Variants in PYGB observed in about 807,000 individuals in gnomAD.
PYGB encodes glycogen phosphorylase, brain form.
PYGB carries 82 observed loss-of-function variants against 94.3 expected under a neutral mutation model. That is an observed-to-expected ratio of 0.87 (90% CI 0.73 to 1.04). The LOEUF (loss-of-function observed/expected upper bound fraction) is 1.04. PYGB is among the 50% of genes least tolerant of loss of function. The pLI, the probability that PYGB is intolerant of heterozygous loss-of-function variation, is 0.00. For missense variants in PYGB, 1,132 were observed against 1,158.2 expected (o/e 0.98, Z 0.33); for synonymous variants, 488 against 479.1 (o/e 1.02, Z -0.24).
At chr20:25,275,727 C>T (rs966815727) in intron 5 of PYGB, among the ~76,000 whole-genome samples, 2 of 152,202 alleles carry the variant, frequency 1.3e-5, no homozygotes, top group Admixed American at 1.3e-4. Context: ...TCCAGGCAGG[C>T]TGTGAAGATG....
At chr20:25,252,606 G>A (rs183529846) in intron 1 of PYGB, among the ~76,000 whole-genome samples, 54 of 152,282 alleles carry the variant, frequency 3.5e-4, no homozygotes, top group Non-Finnish European at 5.9e-4. Context: ...CTTCACTTGC[G>A]TTTACCAATT....
At chr20:25,263,190 T>C (rs529352648) in intron 2 of PYGB, among the ~76,000 whole-genome samples, 1 of 152,262 alleles carries the variant, frequency 6.6e-6, no homozygotes, top group South Asian at 2.1e-4. Flanking sequence ...ATCGCACTTA[T>C]TCCAAAATTG....
chr20:25,276,682 G>A lies in PYGB; in HGVS notation c.697G>A (p.Gly233Ser), dbSNP rs200262215. Reference sequence around the variant, plus strand: ...CATGCCCTACGACACCCCAGTGCCCGGCTACAAGAACAACACCGTCAACAC... The same window carrying A: ...CATGCCCTACGACACCCCAGTGCCCAGCTACAAGAACAACACCGTCAACAC... Reference protein sequence around the residue: ...LAMPYDTPVPGYKNNTVNTMR... With the variant: ...LAMPYDTPVPSYKNNTVNTMR... Residue 233 changes from glycine to serine, a missense_variant, in exon 6 of 20, where the codon GGC (glycine) becomes AGC (serine). Coordinates refer to ENST00000216962, the MANE Select transcript of PYGB (RefSeq NM_002862.4). 1.3e-4 allele frequency: 211 copies of A among 1,613,914 alleles called. 1 individual carries two copies. Among genetic ancestry groups the A allele is most frequent in the South Asian group, 8.8e-5 (8 of 91,086 alleles).
chr20:25,297,171 G>C lies in PYGB; in HGVS notation c.*649G>C, dbSNP rs1220276762. On this transcript the variant is annotated 3_prime_UTR_variant, in exon 20 of 20. Coordinates refer to ENST00000216962, the MANE Select transcript of PYGB (RefSeq NM_002862.4). ...TCCAATGGGCATTGTGTGGGTGCTTGGAACCCGGGATGACTGAGGGGGACA... is the reference window on the plus strand; with the variant it reads ...TCCAATGGGCATTGTGTGGGTGCTTCGAACCCGGGATGACTGAGGGGGACA... The C allele has an allele frequency of 6.5e-6, 1 of 152,756 alleles. No homozygotes were observed. Among genetic ancestry groups the C allele is most frequent in the East Asian group, 1.9e-4 (1 of 5,208 alleles). 9.5% of individuals were successfully genotyped at this position (152,756 alleles called of 1,614,324 possible).
chr20:25,258,232 A>G (rs868677051), intron 1 of PYGB, among the ~76,000 whole-genome samples: 1 of 152,256 alleles, frequency 6.6e-6, no homozygotes, highest in Non-Finnish European at 1.5e-5. Context: ...CCGACGACCC[A>G]TGTAGAATTC....
Position 25,248,096 on chromosome 20 carries a change from G to C in PYGB, c.-83G>C. ...CAGTGCCGGGCGCCAGAGCAGCGGC[G>C]CCAGAGCAGCTGCACCATCCCGGCG... On this transcript the variant is annotated 5_prime_UTR_variant, in exon 1 of 20. Coordinates refer to ENST00000216962, the MANE Select transcript of PYGB (RefSeq NM_002862.4). The C allele has an allele frequency of 6.6e-6, 9 of 1,362,122 alleles. 2 individuals carry two copies. The highest frequency in any genetic ancestry group is 3.1e-5 in the East Asian group (1 of 32,094). The allele number at this position is 1,362,122 out of a possible 1,614,324, so 84.4% of individuals were successfully genotyped here.
Position 25,278,604 on chromosome 20 carries a change from G to A in PYGB, c.999+142G>A, listed in dbSNP as rs2088336429. The A allele has an allele frequency of 2.4e-6, 3 of 1,243,476 alleles. 1 individual carries two copies. The highest frequency in any genetic ancestry group is 3.2e-5 in the South Asian group (2 of 62,856). 77.0% of individuals were successfully genotyped at this position (1,243,476 alleles called of 1,614,324 possible). Reference sequence around the variant, plus strand: ...TTGGGGTCTCGTCATTCTGGGCCAGGATCCCACCTGGGCCCTCCCTTCCAG... The same window carrying A: ...TTGGGGTCTCGTCATTCTGGGCCAGAATCCCACCTGGGCCCTCCCTTCCAG... On this transcript the variant is annotated intron_variant, in intron 8 of 19. Transcript: ENST00000216962.
At chr20:25,253,373 C>T (rs1294615595) in intron 1 of PYGB, among the ~76,000 whole-genome samples, 1 of 152,160 alleles carries the variant, frequency 6.6e-6, no homozygotes, top group Non-Finnish European at 1.5e-5. Context: ...AAAATATGGC[C>T]GGGCGTGGTG....
At chr20:25,281,950 T>C in intron 11 of PYGB, 83 bp from the exon 12 acceptor site, 1 of 1,194,432 alleles carries the variant, frequency 8.4e-7, no homozygotes, top group Non-Finnish European at 1.2e-6. Context: ...TCCTGGGACC[T>C]CCTTAAAAGG....
At chr20:25,258,534 G>A (rs561519889) in intron 1 of PYGB, among the ~76,000 whole-genome samples, 36 of 152,370 alleles carry the variant, frequency 2.4e-4, no homozygotes, top group Non-Finnish European at 4.0e-4. Flanking sequence ...AGCCCTGGCC[G>A]CTGCAGGCCC....
intron 6 of PYGB, 109 bp downstream of exon 6, chr20:25,276,866 G>T: frequency 9.9e-7 from 1 of 1,005,686 alleles, no homozygotes; most frequent in Non-Finnish European, 1.5e-6. Context: ...TGGAGGCCGC[G>T]CGGCCCTCCT....
chr20:25,268,165 C>CCA (rs1555806057), intron 2 of PYGB, among the ~76,000 whole-genome samples: 4 of 91,222 alleles, frequency 4.4e-5, no homozygotes, highest in East Asian at 7.5e-4. Context: ...GCACCCGCCC[C>CCA]CCCCCCATAT....
At chr20:25,266,803 A>G (rs1427422232) in intron 2 of PYGB, among the ~76,000 whole-genome samples, 2 of 152,216 alleles carry the variant, frequency 1.3e-5, no homozygotes, top group Non-Finnish European at 2.9e-5. Context: ...CAAAACCACA[A>G]TGAGACGCCG....
chr20:25,276,875 C>G lies in PYGB; in HGVS notation c.772+118C>G, dbSNP rs535590949. ...CTGTCCTGGAGGCCGCGCGGCCCTCCTCTAGGGTGTCCCTGCGTCCCAGTG... is the reference window on the plus strand; with the variant it reads ...CTGTCCTGGAGGCCGCGCGGCCCTCGTCTAGGGTGTCCCTGCGTCCCAGTG... On this transcript the variant is annotated intron_variant, in intron 6 of 19. Coordinates refer to ENST00000216962, the MANE Select transcript of PYGB (RefSeq NM_002862.4). The G allele has an allele frequency of 3.6e-4, 324 of 888,738 alleles. 2 individuals are homozygous for G. In the African/African-American group the frequency reaches 4.6e-3, roughly 13 times the overall value. 55.1% of individuals were successfully genotyped at this position (888,738 alleles called of 1,614,324 possible). A position where few individuals can be genotyped will look rare whatever the true frequency, so the allele number is the denominator to read the frequency against.
intron 1 of PYGB, among the ~76,000 whole-genome samples, chr20:25,257,329 A>G (rs2092904602): frequency 6.6e-6 from 1 of 152,260 alleles, no homozygotes; most frequent in African/African-American, 2.4e-5. Context: ...AGGAGGCTGC[A>G]GAACCCTCGA....
Position 25,296,801 on chromosome 20 carries a change from A to C in PYGB, c.*279A>C, listed in dbSNP as rs2088554123. On this transcript the variant is annotated 3_prime_UTR_variant, in exon 20 of 20. Coordinates refer to ENST00000216962, the MANE Select transcript of PYGB (RefSeq NM_002862.4). ...CAGCACCTGCCCCACCCAGAGTGGG[A>C]GTCAGGTGGAGCCACCTGCTGGGCT... 13 of 439,142 alleles carry C rather than the reference A, an allele frequency of 3.0e-5. No homozygotes were observed. Among genetic ancestry groups the C allele is most frequent in the Non-Finnish European group, 5.3e-5 (13 of 244,256 alleles). 27.2% of individuals were successfully genotyped at this position (439,142 alleles called of 1,614,324 possible).
chr20:25,261,199 C>T lies in PYGB; in HGVS notation c.345+1861C>T, dbSNP rs945702607. ...CTTCCACAAGTGGGTCCCTGACCCC[C>T]GAGTAGCCTACCTAACTGGGAGGCA... On this transcript the variant is annotated intron_variant, in intron 2 of 19. Transcript: ENST00000216962. Among the ~76,000 whole-genome samples the T allele has an allele frequency of 7.2e-5, 11 of 152,332 alleles. No homozygotes were observed. In the East Asian group the frequency reaches 1.7e-3, roughly 24 times the overall value.
At chr20:25,278,954 T>C in intron 8 of PYGB, 103 bp from the exon 9 acceptor site, 1 of 946,254 alleles carries the variant, frequency 1.1e-6, no homozygotes. Flanking sequence ...GGGGGTGGGG[T>C]GGGCTGGGCT....
At chr20:25,252,009 TAGTC>T (rs1265280929) in intron 1 of PYGB, among the ~76,000 whole-genome samples, 5 of 152,246 alleles carry the variant, frequency 3.3e-5, no homozygotes, top group African/African-American at 7.2e-5. Context: ...TTGTTTTAAT[TAGTC>T]AGTTGTGGTA....
Sources: allele counts gnomAD v4.1 joint callset (sites outside exome capture counted in the v4.1 genomes callset), GRCh38; gene constraint gnomAD v4.1.1; transcripts MANE v1.5; gene names NCBI Gene and HGNC (gene_info 2026-07-23, HGNC 2026-07-21).